Variants in SGPP2 observed in about 807,000 individuals in gnomAD.
SGPP2 encodes the protein sphingosine 1-phosphate phosphohydrolase 2.
A neutral mutation model predicts 33.9 loss-of-function variants in SGPP2; 30 were observed. The observed-to-expected ratio is 0.89, with a 90% confidence interval of 0.66 to 1.20. The LOEUF (loss-of-function observed/expected upper bound fraction) is 1.20. Ranked by LOEUF, SGPP2 falls within the 50% of genes most tolerant of loss-of-function variation. The pLI is 0.00. For missense variants in SGPP2, 458 were observed against 532.1 expected (o/e 0.86, Z 1.37); for synonymous variants, 233 against 225.0 (o/e 1.04, Z -0.32).
At chr2:222,429,937 C>T (rs1454575570) in intron 1 of SGPP2, among the ~76,000 whole-genome samples, 3 of 152,210 alleles carry the variant, frequency 2.0e-5, no homozygotes, top group African/African-American at 4.8e-5. Context: ...ACCACTTTGG[C>T]TTCTATCTCA....
At chr2:222,491,922 A>G (rs1445663289) in intron 2 of SGPP2, among the ~76,000 whole-genome samples, 1 of 152,210 alleles carries the variant, frequency 6.6e-6, no homozygotes, top group Non-Finnish European at 1.5e-5. Context: ...TTCATTCCAA[A>G]TGGGAGAAAT....
chr2:222,445,613 A>G (rs1697386866), intron 1 of SGPP2, among the ~76,000 whole-genome samples: 1 of 152,076 alleles, frequency 6.6e-6, no homozygotes, highest in Non-Finnish European at 1.5e-5. Context: ...ATGCTCCCTG[A>G]TGTAGTGGGC....
intron 2 of SGPP2, among the ~76,000 whole-genome samples, chr2:222,501,161 A>G (rs937084107): frequency 6.6e-6 from 1 of 152,186 alleles, no homozygotes; most frequent in African/African-American, 2.4e-5. Flanking sequence ...GGGCTTGAGC[A>G]GGAGTCACTT....
At chr2:222,499,031 T>C (rs933833397) in intron 2 of SGPP2, among the ~76,000 whole-genome samples, 1 of 152,252 alleles carries the variant, frequency 6.6e-6, no homozygotes, top group Non-Finnish European at 1.5e-5. Flanking sequence ...TACAAAGCCA[T>C]CTTTGAATTG....
chr2:222,474,752 T>C (rs1475987776), intron 2 of SGPP2, 26 bp downstream of exon 2: 2 of 1,559,480 alleles, frequency 1.3e-6, no homozygotes, highest in Non-Finnish European at 8.7e-7. Flanking sequence ...ACTCATTAAC[T>C]GATGCTACTT....
intron 1 of SGPP2, among the ~76,000 whole-genome samples, chr2:222,463,794 T>C (rs879097514): frequency 6.6e-6 from 1 of 152,244 alleles, no homozygotes; most frequent in Non-Finnish European, 1.5e-5. Context: ...AAAATCTTGG[T>C]ACATAAAAGA....
intron 2 of SGPP2, among the ~76,000 whole-genome samples, chr2:222,475,107 A>G (rs1697910930): frequency 6.6e-6 from 1 of 152,156 alleles, no homozygotes; most frequent in South Asian, 2.1e-4. Flanking sequence ...CTTGCTTCAA[A>G]GTTAAACTAA....
intron 1 of SGPP2, among the ~76,000 whole-genome samples, chr2:222,472,810 T>G (rs765679934): frequency 6.6e-6 from 1 of 151,790 alleles, no homozygotes; most frequent in African/African-American, 2.4e-5. Flanking sequence ...AAGTCAGGAG[T>G]TGGACATAAA....
intron 2 of SGPP2, among the ~76,000 whole-genome samples, chr2:222,502,375 A>G (rs1481481845): frequency 6.6e-6 from 1 of 152,206 alleles, no homozygotes; most frequent in Non-Finnish European, 1.5e-5. Context: ...GGCATACTCC[A>G]TACAAATTGA....
At chr2:222,488,525 T>A (rs1380480244) in intron 2 of SGPP2, among the ~76,000 whole-genome samples, 1 of 152,122 alleles carries the variant, frequency 6.6e-6, no homozygotes, top group Admixed American at 6.5e-5. Context: ...TGCAGAAAAA[T>A]TGTCTTCCAT....
Position 222,525,779 on chromosome 2 carries a change from T to C in SGPP2, c.648+746T>C, listed in dbSNP as rs1698749443. Among the ~76,000 whole-genome samples the C allele has an allele frequency of 2.0e-5, 3 of 152,298 alleles. No individual in the cohort carries two copies. In the South Asian group the frequency reaches 6.2e-4, roughly 32 times the overall value. On this transcript the variant is annotated intron_variant, in intron 4 of 4. Coordinates refer to ENST00000321276, the MANE Select transcript of SGPP2 (RefSeq NM_152386.4). The stretch of plus-strand genomic sequence containing the variant: ...GGCCCTTGCTCATTGTGTGTTTATC[T>C]CAATTCTGAAGCTCAAAAGTTAAGT...
chr2:222,510,938 T>C (rs1456823434), intron 2 of SGPP2, among the ~76,000 whole-genome samples: 1 of 152,198 alleles, frequency 6.6e-6, no homozygotes, highest in African/African-American at 2.4e-5. Context: ...AAAATGGAAG[T>C]GTGGCTTGGC....
At chr2:222,495,029 C>T (rs1298117500) in intron 2 of SGPP2, among the ~76,000 whole-genome samples, 1 of 151,710 alleles carries the variant, frequency 6.6e-6, no homozygotes, top group Non-Finnish European at 1.5e-5. Context: ...GAGACTCTGT[C>T]TCAAACAAAA....
intron 4 of SGPP2, among the ~76,000 whole-genome samples, chr2:222,533,080 C>T (rs116349560): frequency 0.012 from 1,763 of 152,184 alleles, 40 homozygotes; most frequent in African/African-American, 0.04. Context: ...ATTTCATGTT[C>T]TCTTAGTTTG....
At chr2:222,483,572 G>A (rs1447471622) in intron 2 of SGPP2, among the ~76,000 whole-genome samples, 2 of 152,174 alleles carry the variant, frequency 1.3e-5, no homozygotes, top group Non-Finnish European at 1.5e-5. Context: ...GTAGAGTTTA[G>A]GGTATTATTT....
chr2:222,426,209 C>CAAA lies in SGPP2; in HGVS notation c.219+1411_219+1413dup, dbSNP rs59881994. 3.2e-3 allele frequency among the ~76,000 whole-genome samples: 184 copies of CAAA among 58,032 alleles called. 2 individuals are homozygous for CAAA. Among genetic ancestry groups the CAAA allele is most frequent in the Middle Eastern group, 0.012 (1 of 86 alleles). 38.1% of individuals were successfully genotyped at this position (58,032 alleles called of 152,430 possible). On this transcript the variant is annotated intron_variant, in intron 1 of 4. Coordinates refer to ENST00000321276, the MANE Select transcript of SGPP2 (RefSeq NM_152386.4). ...AGGGCGACTGAGCGAGACTCCGTCT[C>CAAA]AAAAAAAAAAAAAAAAAAAAAAAAA...
chr2:222,455,196 C>T (rs1180168034), intron 1 of SGPP2, among the ~76,000 whole-genome samples: 1 of 143,938 alleles, frequency 6.9e-6, no homozygotes, highest in East Asian at 2.0e-4. Context: ...ATAGTGAGAC[C>T]CCCCACCACT....
intron 4 of SGPP2, among the ~76,000 whole-genome samples, chr2:222,557,410 T>G (rs1452684391): frequency 6.6e-6 from 1 of 152,222 alleles, no homozygotes; most frequent in East Asian, 1.9e-4. Context: ...TCACCCATTG[T>G]TTATCCAAAT....
At chr2:222,424,361 G>A (rs931094442), upstream of SGPP2, among the ~76,000 whole-genome samples, 1 of 152,086 alleles carries the variant, frequency 6.6e-6, no homozygotes, top group Admixed American at 6.5e-5. Context: ...CCCCGTGGCC[G>A]CCCGGGGCCG....
Sources: gnomAD v4.1 joint callset for allele counts (sites outside exome capture counted in the v4.1 genomes callset) on GRCh38, gnomAD v4.1.1 for gene constraint, MANE v1.5 for transcripts, NCBI Gene and HGNC (gene_info 2026-07-23, HGNC 2026-07-21) for gene names.